The following NEDD4 variants were observed in gnomAD, a reference collection of about 807,000 sequenced individuals.
The protein encoded by NEDD4 is NEDD4 E3 ubiquitin protein ligase.
A neutral mutation model predicts 144.9 loss-of-function variants in NEDD4; 99 were observed. That is an observed-to-expected ratio of 0.68 (90% CI 0.58 to 0.81). NEDD4 has a LOEUF of 0.81. Ranked by LOEUF, NEDD4 falls within the 30% of genes least tolerant of loss-of-function variation. The pLI is 0.00. For synonymous variants in NEDD4, 318 were observed against 350.6 expected, an observed-to-expected ratio of 0.91 and a Z score of 1.04; for missense variants, 985 against 1,065.9, an observed-to-expected ratio of 0.92 and a Z score of 1.06.
intron 4 of NEDD4, among the ~76,000 whole-genome samples, chr15:55,935,178 T>G (rs2036862062): frequency 6.6e-6 from 1 of 152,092 alleles, no homozygotes; most frequent in African/African-American, 2.4e-5. Context: ...TTGTTCTGCA[T>G]TTTTCTTGCT....
chr15:55,919,374 C>T (rs1395328675), intron 5 of NEDD4, among the ~76,000 whole-genome samples: 2 of 152,106 alleles, frequency 1.3e-5, no homozygotes, highest in African/African-American at 2.4e-5. Flanking sequence ...GAAAGAATGA[C>T]GTTTGAAAAA....
chr15:55,834,209 TA>T lies in NEDD4; in HGVS notation c.2322+17del. ...TGGGTTCACAATTTCTGTTTCAACA[TA>T]AAATGTTATGTCTTACCTCTAGTTC... On this transcript the variant is annotated intron_variant, in intron 25 of 28. Coordinates refer to ENST00000435532, the MANE Select transcript of NEDD4 (RefSeq NM_006154.4). 5 of 1,608,178 alleles carry T rather than the reference TA, an allele frequency of 3.1e-6. No individual in the cohort carries two copies. The highest frequency in any genetic ancestry group is 1.1e-5 in the South Asian group (1 of 90,920).
intron 19 of NEDD4, 30 bp from the exon 20 acceptor site, chr15:55,840,757 A>G (rs1411192493): frequency 6.3e-7 from 1 of 1,587,616 alleles, no homozygotes; most frequent in Non-Finnish European, 8.6e-7. Flanking sequence ...TAAATACTTC[A>G]TTTGAAAAAC....
At chr15:55,975,803 A>G (rs1419177847) in intron 1 of NEDD4, among the ~76,000 whole-genome samples, 1 of 152,228 alleles carries the variant, frequency 6.6e-6, no homozygotes, top group East Asian at 1.9e-4. Flanking sequence ...TGGAATCACA[A>G]AAGACCCAGA....
At chr15:55,947,542 A>G (rs894673208) in intron 4 of NEDD4, among the ~76,000 whole-genome samples, 1 of 152,202 alleles carries the variant, frequency 6.6e-6, no homozygotes, top group African/African-American at 2.4e-5. Context: ...CAACCAAAAA[A>G]AGTCCAGGAC....
At chr15:55,915,829 G>C (rs2036421661) in intron 5 of NEDD4, 1 of 1,613,674 alleles carries the variant, frequency 6.2e-7, no homozygotes, top group African/African-American at 1.3e-5. Context: ...ACTTCTCCGG[G>C]GGTACAAATT....
intron 1 of NEDD4, among the ~76,000 whole-genome samples, chr15:55,981,586 T>C (rs1413163718): frequency 6.6e-6 from 1 of 152,168 alleles, no homozygotes; most frequent in African/African-American, 2.4e-5. Flanking sequence ...CCCACATGCA[T>C]GAGTCAGAAT....
intron 5 of NEDD4, chr15:55,916,559 T>C (rs542978653): frequency 3.7e-6 from 6 of 1,614,092 alleles, no homozygotes; most frequent in Non-Finnish European, 5.1e-6. Flanking sequence ...TTGTTGGCTG[T>C]AGTGAAATCT....
chr15:55,927,133 T>G (rs1174506197), intron 4 of NEDD4, among the ~76,000 whole-genome samples: 2 of 149,428 alleles, frequency 1.3e-5, no homozygotes, highest in African/African-American at 4.9e-5. Context: ...TGTAAGATGA[T>G]TTTTTTTCAA....
intron 1 of NEDD4, among the ~76,000 whole-genome samples, chr15:55,983,810 C>G (rs940481508): frequency 1.3e-5 from 2 of 151,930 alleles, no homozygotes; most frequent in East Asian, 3.9e-4. Flanking sequence ...AGGGTTTCAC[C>G]ATGTTGGCCA....
chr15:55,991,345 G>A, intron 1 of NEDD4, among the ~76,000 whole-genome samples: 1 of 152,146 alleles, frequency 6.6e-6, no homozygotes. Context: ...TTACTTTTGT[G>A]ATAGACCAGA....
intron 12 of NEDD4, 145 bp from the exon 13 acceptor site, chr15:55,852,688 GAAATATAT>G: frequency 6.8e-6 from 1 of 148,070 alleles, no homozygotes; most frequent in Non-Finnish European, 1.1e-5. Context: ...GCCTTTTCTA[GAAATATAT>G]ATATATATAT....
chr15:55,882,578 T>A (rs1208696677), intron 5 of NEDD4, among the ~76,000 whole-genome samples: 1 of 152,164 alleles, frequency 6.6e-6, no homozygotes, highest in Non-Finnish European at 1.5e-5. Context: ...CTAAATAAAC[T>A]TGAAAGGCAG....
intron 17 of NEDD4, among the ~76,000 whole-genome samples, chr15:55,847,988 A>T (rs1235363681): frequency 2.0e-5 from 3 of 152,106 alleles, no homozygotes; most frequent in Non-Finnish European, 4.4e-5. Flanking sequence ...CTATAAAAAA[A>T]TTTAAGAATG....
chr15:55,917,890 G>T (rs1488204877), intron 5 of NEDD4, among the ~76,000 whole-genome samples: 1 of 151,914 alleles, frequency 6.6e-6, no homozygotes, highest in East Asian at 1.9e-4. Context: ...TTATTCCACT[G>T]TCTCTGCAAT....
chr15:55,940,281 T>G (rs1163243943), intron 4 of NEDD4, among the ~76,000 whole-genome samples: 1 of 152,150 alleles, frequency 6.6e-6, no homozygotes, highest in Non-Finnish European at 1.5e-5. Context: ...AGGAAACTTT[T>G]GGAGGTGATG....
intron 5 of NEDD4, among the ~76,000 whole-genome samples, chr15:55,922,083 A>G (rs1202078217): frequency 6.6e-6 from 1 of 152,266 alleles, no homozygotes; most frequent in Non-Finnish European, 1.5e-5. Context: ...ACTCTAAAAC[A>G]TATCTCTTAG....
chr15:55,874,748 C>T (rs1040913689), intron 5 of NEDD4, among the ~76,000 whole-genome samples: 3 of 152,012 alleles, frequency 2.0e-5, no homozygotes, highest in African/African-American at 4.8e-5. Flanking sequence ...CCGAGGTGGG[C>T]GGATCACCTG....
chr15:55,902,001 C>T (rs1253837777), intron 5 of NEDD4, among the ~76,000 whole-genome samples: 2 of 152,006 alleles, frequency 1.3e-5, no homozygotes, highest in Non-Finnish European at 2.9e-5. Flanking sequence ...ACATTTTCAC[C>T]TCTGCCTAGG....
Sources: gnomAD v4.1 joint callset for allele counts (sites outside exome capture counted in the v4.1 genomes callset) on GRCh38, gnomAD v4.1.1 for gene constraint, MANE v1.5 for transcripts, NCBI Gene and HGNC (gene_info 2026-07-23, HGNC 2026-07-21) for gene names.